The following MOV10L1 variants were observed in gnomAD, a reference collection of about 807,000 sequenced individuals.
The protein encoded by MOV10L1 is Mov10 like RNA helicase 1, also known as RNA helicase Mov10l1.
Under a neutral mutation model 143.8 loss-of-function variants are expected in MOV10L1, and 110 were observed. The observed-to-expected ratio is 0.76, with a 90% CI of 0.66 to 0.90. The LOEUF is 0.90. Ranked by LOEUF, MOV10L1 falls within the 40% of genes least tolerant of loss-of-function variation. The pLI, the probability that MOV10L1 is intolerant of heterozygous loss-of-function variation, is 0.00. For synonymous variants in MOV10L1, 593 were observed against 581.1 expected (o/e 1.02, Z -0.29); for missense variants, 1,406 against 1,526.8 (o/e 0.92, Z 1.32).
intron 10 of MOV10L1, 112 bp from the exon 11 acceptor site, chr22:50,125,280 T>G: frequency 9.2e-7 from 1 of 1,091,652 alleles, no homozygotes; most frequent in Non-Finnish European, 1.3e-6. Context: ...TCGCCCCACC[T>G]GGGGGGCCAT....
At chr22:50,112,132 A>G (rs2062041735) in intron 5 of MOV10L1, among the ~76,000 whole-genome samples, 2 of 152,198 alleles carry the variant, frequency 1.3e-5, no homozygotes, top group Admixed American at 1.3e-4. Context: ...CCACTGGCAG[A>G]TGCTTGTTTG....
chr22:50,119,793 G>T lies in MOV10L1; in HGVS notation c.1455-709G>T, dbSNP rs1380502502. Reference sequence around the variant, plus strand: ...CAGTGAATGGAATACGGAGAGCAATGTGGGCTTCTCTCTTGGGTGAGACTG... The same window carrying T: ...CAGTGAATGGAATACGGAGAGCAATTTGGGCTTCTCTCTTGGGTGAGACTG... On this transcript the variant is annotated intron_variant, in intron 9 of 26. Coordinates refer to ENST00000262794, the MANE Select transcript of MOV10L1 (RefSeq NM_018995.3). Among the ~76,000 whole-genome samples, 6 of 151,902 alleles carry T rather than the reference G, an allele frequency of 3.9e-5. No individual in the cohort carries two copies. In the East Asian group the frequency reaches 1.2e-3, roughly 29 times the overall value.
chr22:50,149,703 A>C lies in MOV10L1; in HGVS notation c.2716A>C (p.Ile906Leu), dbSNP rs367828244. The C allele has an allele frequency of 6.2e-7, 1 of 1,613,534 alleles. No homozygotes were observed. Among genetic ancestry groups the C allele is most frequent in the South Asian group, 1.1e-5 (1 of 90,928 alleles). ...CLIPLGLMSD[I>L]SGQIVLAGDP... is the part of the protein sequence containing the mutation. ...CATTCCTCTGGGGCTGATGTCGGACATCAGTGGCCAGGTAAGTCCCGACTA... is the reference window on the plus strand; with the variant it reads ...CATTCCTCTGGGGCTGATGTCGGACCTCAGTGGCCAGGTAAGTCCCGACTA... The change falls in exon 20 of 27, where the codon ATC (isoleucine) becomes CTC (leucine). Residue 906 changes from isoleucine to leucine, a missense_variant. By Grantham distance (5) the Ile-to-Leu change is conservative. Coordinates refer to ENST00000262794, the MANE Select transcript of MOV10L1 (RefSeq NM_018995.3).
In MOV10L1 at chr22:50,137,841, C is replaced by CAT. The variant is rs201660381; in HGVS notation, c.2070+3217_2070+3218dup. Among the ~76,000 whole-genome samples the CAT allele has an allele frequency of 1.6e-4, 13 of 80,260 alleles. 1 individual carries two copies. The Admixed American group carries it at 1.7e-3, about 10-fold the overall frequency. 52.7% of individuals were successfully genotyped at this position (80,260 alleles called of 152,430 possible). On this transcript the variant is annotated intron_variant, in intron 15 of 26. Transcript: ENST00000262794. ...TATAAATATACATATTTTATATATA[C>CAT]ATATATAAATATACATATTTTTATA...
Position 50,118,293 on chromosome 22 carries a change from G to T in MOV10L1, c.1454+942G>T, listed in dbSNP as rs545176660. Among the ~76,000 whole-genome samples the T allele has an allele frequency of 5.9e-5, 9 of 152,164 alleles. No individual in the cohort carries two copies. The South Asian group carries it at 6.2e-4, about 11-fold the overall frequency. The stretch of plus-strand genomic sequence containing the variant: ...TGGGCAAGTTTCTTAACCACTCTGA[G>T]CCTTGTTCTCATTGGTAAAATGATA... On this transcript the variant is annotated intron_variant, in intron 9 of 26. Transcript: ENST00000262794.
At chr22:50,124,685 A>G (rs1254524224) in intron 10 of MOV10L1, among the ~76,000 whole-genome samples, 4 of 152,166 alleles carry the variant, frequency 2.6e-5, no homozygotes, top group Admixed American at 2.0e-4. Flanking sequence ...TGTCTCATGC[A>G]TTCCTTAGTG....
At chr22:50,096,681 C>T (rs1030158282) in intron 2 of MOV10L1, among the ~76,000 whole-genome samples, 4 of 152,020 alleles carry the variant, frequency 2.6e-5, no homozygotes, top group Non-Finnish European at 5.9e-5. Flanking sequence ...AGCTATTCCT[C>T]GTAGTTGTGA....
chr22:50,110,930 C>G (rs936567137), intron 5 of MOV10L1, among the ~76,000 whole-genome samples: 7 of 142,548 alleles, frequency 4.9e-5, no homozygotes, highest in African/African-American at 1.8e-4. Flanking sequence ...GACTCCATCT[C>G]CAATTAAAAA....
In MOV10L1 at chr22:50,114,260, C is replaced by CTT. The variant is rs1457558643; in HGVS notation, c.885-120_885-119dup. The CTT allele has an allele frequency of 2.3e-5, 28 of 1,235,712 alleles. No individual in the cohort carries two copies. The East Asian group carries it at 6.7e-4, about 29-fold the overall frequency. 76.5% of individuals were successfully genotyped at this position (1,235,712 alleles called of 1,614,324 possible). A position where few individuals can be genotyped will look rare whatever the true frequency, so the allele number is the denominator to read the frequency against. ...TTTTTACCCAAAAATGACCTTTTGA[C>CTT]TTATATTCATAAGTGTATTTGCAGT... is the stretch of plus-strand genomic sequence containing the variant. On this transcript the variant is annotated intron_variant, in intron 6 of 26. Coordinates refer to ENST00000262794, the MANE Select transcript of MOV10L1 (RefSeq NM_018995.3).
chr22:50,136,840 G>A (rs867046215), intron 15 of MOV10L1, among the ~76,000 whole-genome samples: 1 of 152,190 alleles, frequency 6.6e-6, no homozygotes, highest in Non-Finnish European at 1.5e-5. Flanking sequence ...GGAAGGAGGA[G>A]CAAGAACAAT....
At chr22:50,126,351 CT>C in intron 12 of MOV10L1, 79 bp downstream of exon 12, 56 of 1,028,734 alleles carry the variant, frequency 5.4e-5, no homozygotes, top group Non-Finnish European at 7.2e-5. Context: ...CTCCCCACGG[CT>C]CTTGGGGAGA....
In MOV10L1 at chr22:50,158,143, C is replaced by A. The variant is rs973895133; in HGVS notation, c.3153C>A (p.Ala1051=). The change falls in exon 23 of 27, where the codon GCC becomes GCA. Residue 1051 remains alanine (A), a synonymous_variant. Transcript: ENST00000262794. The surrounding 1 kb of genome is among the most constrained non-coding windows in gnomAD (Gnocchi z 5.0). The part of the protein sequence containing the change: ...VQVLRYCCLL[A]HSISSQVSAS... ...TCCTGCGCTACTGCTGCCTCCTGGCCCACAGCATCTCCAGTCAGGTGTCTG... is the reference window on the plus strand; with the variant it reads ...TCCTGCGCTACTGCTGCCTCCTGGCACACAGCATCTCCAGTCAGGTGTCTG... The A allele has an allele frequency of 1.2e-6, 2 of 1,614,066 alleles. No homozygotes were observed. The highest frequency in any genetic ancestry group is 2.7e-5 in the African/African-American group (2 of 74,948).
intron 22 of MOV10L1, among the ~76,000 whole-genome samples, chr22:50,156,670 A>G (rs2063435111): frequency 6.6e-6 from 1 of 152,150 alleles, no homozygotes; most frequent in East Asian, 1.9e-4. Context: ...CATGTCCTCA[A>G]GGTTCATCCA....
intron 22 of MOV10L1, 144 bp downstream of exon 22, chr22:50,153,362 G>A: frequency 9.8e-7 from 1 of 1,021,480 alleles, no homozygotes. Flanking sequence ...AGCCATCGGG[G>A]GCTTGTGCCC....
intron 2 of MOV10L1, chr22:50,094,629 G>C (rs1274876751): frequency 6.6e-6 from 1 of 152,042 alleles, no homozygotes; most frequent in Non-Finnish European, 1.5e-5. Flanking sequence ...TCGATCTCCT[G>C]ACCTCGTGAT....
intron 22 of MOV10L1, among the ~76,000 whole-genome samples, chr22:50,156,526 T>G (rs1161656980): frequency 6.6e-6 from 1 of 152,212 alleles, no homozygotes; most frequent in Non-Finnish European, 1.5e-5. Flanking sequence ...AACAGTAACT[T>G]TCTTCCCTGC....
In MOV10L1 at chr22:50,129,188, C is replaced by G. The variant is rs544344154; in HGVS notation, c.1910+681C>G. Among the ~76,000 whole-genome samples, 65 of 152,160 alleles carry G rather than the reference C, an allele frequency of 4.3e-4. 1 individual carries two copies. The highest frequency in any genetic ancestry group is 6.2e-4 in the South Asian group (3 of 4,818). On this transcript the variant is annotated intron_variant, in intron 13 of 26. Coordinates refer to ENST00000262794, the MANE Select transcript of MOV10L1 (RefSeq NM_018995.3). ...CATACATTTGCATGTGTATTCTTTCCCAGATCTCATGTGCACCGGATCTTT... is the reference window on the plus strand; with the variant it reads ...CATACATTTGCATGTGTATTCTTTCGCAGATCTCATGTGCACCGGATCTTT...
intron 22 of MOV10L1, among the ~76,000 whole-genome samples, chr22:50,157,034 T>C (rs1569052824): frequency 6.6e-6 from 1 of 152,176 alleles, no homozygotes; most frequent in Non-Finnish European, 1.5e-5. Context: ...CTGGGTTGTT[T>C]TATAGTAGCC....
chr22:50,132,408 A>C (rs2062702828), intron 13 of MOV10L1, among the ~76,000 whole-genome samples: 1 of 152,172 alleles, frequency 6.6e-6, no homozygotes, highest in Non-Finnish European at 1.5e-5. Flanking sequence ...GGAGAATTGA[A>C]ATCTTAATAA....
Sources: gnomAD v4.1 joint callset for allele counts (sites outside exome capture counted in the v4.1 genomes callset) on GRCh38, gnomAD v4.1.1 for gene constraint, Gnocchi (gnomAD v3.1) non-coding constraint, MANE v1.5 for transcripts, NCBI Gene and HGNC (gene_info 2026-07-23, HGNC 2026-07-21) for gene names.